PLCL1: variants seen among roughly 807,000 people sequenced by gnomAD.
PLCL1 encodes inactive phospholipase C-like protein 1.
PLCL1 carries 41 observed loss-of-function variants against 84.4 expected under a neutral mutation model. The ratio of observed to expected loss-of-function variants is 0.49; its 90% CI spans 0.38 to 0.63. The LOEUF is 0.63. Ranked by LOEUF, PLCL1 falls within the 30% of genes least tolerant of loss-of-function variation. PLCL1 has a pLI of 0.00. For synonymous variants in PLCL1, 490 were observed against 488.3 expected (o/e 1.00, Z -0.05); for missense variants, 1,206 against 1,367.8 (o/e 0.88, Z 1.87).
chr2:197,972,185 G>A (rs1689883133), intron 1 of PLCL1, among the ~76,000 whole-genome samples: 1 of 152,180 alleles, frequency 6.6e-6, no homozygotes. Context: ...ATGCCATGAG[G>A]GCACATGCTG....
At chr2:197,892,413 A>G (rs1362807406) in intron 1 of PLCL1, among the ~76,000 whole-genome samples, 3 of 152,194 alleles carry the variant, frequency 2.0e-5, no homozygotes, top group Non-Finnish European at 2.9e-5. Context: ...GTGTGTTTTC[A>G]TCTCAGCATG....
At chr2:197,980,345 G>T (rs982791717) in intron 1 of PLCL1, among the ~76,000 whole-genome samples, 7 of 152,170 alleles carry the variant, frequency 4.6e-5, no homozygotes, top group African/African-American at 1.4e-4. Context: ...TTTCTGGGAG[G>T]TTCCAACAAG....
At chr2:197,978,084 A>T (rs1690024404) in intron 1 of PLCL1, among the ~76,000 whole-genome samples, 1 of 152,228 alleles carries the variant, frequency 6.6e-6, no homozygotes, top group African/African-American at 2.4e-5. Flanking sequence ...ACTCTGTATG[A>T]TATTTTTTAT....
At chr2:197,980,735 T>TA in intron 1 of PLCL1, among the ~76,000 whole-genome samples, 1 of 152,286 alleles carries the variant, frequency 6.6e-6, no homozygotes, top group South Asian at 2.1e-4. Context: ...TATCAGATCA[T>TA]AAAAATGATC....
Position 197,805,111 on chromosome 2 carries a change from C to T in PLCL1, c.12C>T (p.Gly4=). 1.5e-6 allele frequency: 2 copies of T among 1,334,274 alleles called. No homozygotes were observed. The highest frequency in any genetic ancestry group is 4.0e-5 in the Admixed American group (1 of 25,222). 82.7% of individuals were successfully genotyped at this position (1,334,274 alleles called of 1,614,324 possible). The stretch of plus-strand genomic sequence containing the variant: ...AAACGCTCCAGGCCATGGCCGAGGG[C>T]GCGGCCGGCAGGGAGGATCCGGCGC... MAE[G]AAGREDPAPP... is the part of the protein sequence containing the mutation. Residue 4 remains glycine, a synonymous_variant, in exon 1 of 6, where the codon GGC becomes GGT. Transcript: ENST00000428675. This position sits in a 1 kb window ranked among gnomAD's most constrained non-coding sequence, Gnocchi z 4.0.
intron 1 of PLCL1, among the ~76,000 whole-genome samples, chr2:197,854,837 G>A (rs1237684844): frequency 6.6e-6 from 1 of 151,988 alleles, no homozygotes; most frequent in Non-Finnish European, 1.5e-5. Context: ...CACTTTTTTT[G>A]GTACTGTAAT....
At chr2:198,012,621 G>A (rs915060587) in intron 1 of PLCL1, among the ~76,000 whole-genome samples, 1 of 151,308 alleles carries the variant, frequency 6.6e-6, no homozygotes, top group Admixed American at 6.6e-5. Flanking sequence ...TATTGTTTTT[G>A]TCCCTCATTT....
intron 5 of PLCL1, among the ~76,000 whole-genome samples, chr2:198,130,228 TG>T (rs1365837514): frequency 6.6e-6 from 1 of 152,156 alleles, no homozygotes; most frequent in Non-Finnish European, 1.5e-5. Flanking sequence ...CTTGCAACAC[TG>T]CTTCTCTTGA....
intron 1 of PLCL1, among the ~76,000 whole-genome samples, chr2:197,815,508 T>C (rs1690669698): frequency 6.6e-6 from 1 of 152,138 alleles, no homozygotes; most frequent in South Asian, 2.1e-4. Flanking sequence ...CTGCAGCCTA[T>C]GGATCAAGGA....
At chr2:198,017,269 C>G (rs1163342464) in intron 1 of PLCL1, among the ~76,000 whole-genome samples, 1 of 152,156 alleles carries the variant, frequency 6.6e-6, no homozygotes, top group Non-Finnish European at 1.5e-5. Flanking sequence ...GTTTTAAACA[C>G]CTGCTTCCTC....
rs1035438056 is a variant in PLCL1, at chr2:198,007,329, C to A, written c.241-76429C>A. On this transcript the variant is annotated intron_variant, in intron 1 of 5. Transcript: ENST00000428675. ...ATTGAGTCAAAATGTGTTTTAACCA[C>A]CCCACCCCCCTCTTGTTTGTTTTTA... 3.3e-5 allele frequency among the ~76,000 whole-genome samples: 5 copies of A among 152,024 alleles called. No homozygotes were observed. The South Asian group carries it at 8.3e-4, about 25-fold the overall frequency.
At chr2:197,957,533 T>C (rs1022420004) in intron 1 of PLCL1, among the ~76,000 whole-genome samples, 2 of 152,090 alleles carry the variant, frequency 1.3e-5, no homozygotes, top group African/African-American at 4.8e-5. Flanking sequence ...GTAGATATGT[T>C]AGTCTGACCT....
intron 5 of PLCL1, among the ~76,000 whole-genome samples, chr2:198,117,652 C>T (rs1457207867): frequency 1.3e-5 from 2 of 151,806 alleles, no homozygotes; most frequent in Non-Finnish European, 2.9e-5. Context: ...TCTTGTTTAT[C>T]GTGGGTTTGC....
chr2:197,901,547 A>G (rs968499246), intron 1 of PLCL1, among the ~76,000 whole-genome samples: 3 of 152,208 alleles, frequency 2.0e-5, no homozygotes, highest in African/African-American at 4.8e-5. Context: ...GGTCACGTTC[A>G]GGCAACAGCA....
At chr2:198,004,906 A>G (rs888032808) in intron 1 of PLCL1, among the ~76,000 whole-genome samples, 2 of 152,218 alleles carry the variant, frequency 1.3e-5, no homozygotes, top group Non-Finnish European at 2.9e-5. Context: ...TTAGGTTCTT[A>G]AAAAGGTCCA....
In PLCL1 at chr2:198,146,839, C is replaced by T. The variant is rs1262540894; in HGVS notation, c.3165C>T (p.Ile1055=). 1 of 1,613,494 alleles carries T rather than the reference C, an allele frequency of 6.2e-7. No individual in the cohort carries two copies. The highest frequency in any genetic ancestry group is 8.5e-7 in the Non-Finnish European group (1 of 1,179,654). Residue 1055 remains isoleucine (I), a synonymous_variant, in exon 6 of 6, where the codon ATC becomes ATT. Transcript: ENST00000428675. ...AAGCTATAGAAAACATGAAGCAGATCCAGCTGGCATGCCTGTCCTGTGGAC... is the reference window on the plus strand; with the variant it reads ...AAGCTATAGAAAACATGAAGCAGATTCAGCTGGCATGCCTGTCCTGTGGAC... ...KNEAIENMKQ[I]QLACLSCGLS... is the part of the protein sequence containing the mutation.
rs539260092 is a variant in PLCL1 at position 197,852,874 on chromosome 2, T to C, written c.240+47535T>C. On this transcript the variant is annotated intron_variant, in intron 1 of 5. Transcript: ENST00000428675. ...CTGTATAAATTTTGTTTTATTATGGTAAATATATTTAACATAAAATTAACT... is the reference window on the plus strand; with the variant it reads ...CTGTATAAATTTTGTTTTATTATGGCAAATATATTTAACATAAAATTAACT... Among the ~76,000 whole-genome samples, 5 of 152,312 alleles carry C rather than the reference T, an allele frequency of 3.3e-5. No individual in the cohort carries two copies. The South Asian group carries it at 6.2e-4, about 19-fold the overall frequency.
At chr2:197,898,045 C>T (rs974833298) in intron 1 of PLCL1, among the ~76,000 whole-genome samples, 1 of 152,152 alleles carries the variant, frequency 6.6e-6, no homozygotes, top group Non-Finnish European at 1.5e-5. Context: ...AGAGAAGCCA[C>T]GCATTTTAGC....
intron 5 of PLCL1, 61 bp downstream of exon 5, chr2:198,103,997 G>T (rs915726926): frequency 9.1e-6 from 7 of 767,052 alleles, no homozygotes; most frequent in Admixed American, 5.4e-5. Context: ...TCTCTCCAAT[G>T]TGTAGAGAAA....
Sources: allele counts gnomAD v4.1 joint callset (sites outside exome capture counted in the v4.1 genomes callset), GRCh38; gene constraint gnomAD v4.1.1; non-coding constraint Gnocchi (gnomAD v3.1); transcripts MANE v1.5; gene names NCBI Gene and HGNC (gene_info 2026-07-23, HGNC 2026-07-21).